The following CRBN variants were observed in gnomAD, a reference collection of about 807,000 sequenced individuals.
CRBN encodes cereblon.
CRBN carries 53 observed loss-of-function variants against 62.2 expected under a neutral mutation model. That is an observed-to-expected ratio of 0.85 (90% CI 0.68 to 1.07). The LOEUF is 1.07. Ranked by LOEUF, CRBN falls within the 50% of genes least tolerant of loss-of-function variation. The probability of loss-of-function intolerance (pLI) is 0.00; values close to 1 mark genes in which losing one functional copy is unlikely to be tolerated. For synonymous variants in CRBN, 208 were observed against 176.1 expected, an observed-to-expected ratio of 1.18 and a Z score of -1.43; for missense variants, 616 against 531.1, an observed-to-expected ratio of 1.16 and a Z score of -1.57.
chr3:3,166,597 T>G (rs1191744648), intron 5 of CRBN, among the ~76,000 whole-genome samples: 1 of 152,142 alleles, frequency 6.6e-6, no homozygotes, highest in African/African-American at 2.4e-5. Context: ...TATTAGAATC[T>G]TCCTTAGAAA....
At chr3:3,160,208 T>C (rs1707079694) in intron 5 of CRBN, among the ~76,000 whole-genome samples, 1 of 152,196 alleles carries the variant, frequency 6.6e-6, no homozygotes, top group African/African-American at 2.4e-5. Context: ...TGAAACTCCA[T>C]TTAAGTGAGT....
At chr3:3,158,334 C>T (rs796092797) in intron 5 of CRBN, among the ~76,000 whole-genome samples, 25 of 152,274 alleles carry the variant, frequency 1.6e-4, no homozygotes, top group African/African-American at 5.8e-4. Context: ...CTGTGCGTCC[C>T]GGTTCCTAAC....
chr3:3,164,992 C>A (rs1707273595), intron 5 of CRBN, among the ~76,000 whole-genome samples: 1 of 152,064 alleles, frequency 6.6e-6, no homozygotes, highest in Admixed American at 6.6e-5. Flanking sequence ...AAAATATCAA[C>A]CTTAACAGGA....
chr3:3,174,232 A>G lies in CRBN; in HGVS notation c.204T>C (p.His68=), dbSNP rs1353744454. The change falls in exon 3 of 11, where the codon CAT becomes CAC. Residue 68 remains histidine (H), a synonymous_variant. Coordinates refer to ENST00000231948, the MANE Select transcript of CRBN (RefSeq NM_016302.4). ...TYLGADMEEF[H]GRTLHDDDSC... The stretch of plus-strand genomic sequence containing the variant: ...TGTCGTCATCGTGCAAAGTCCTGCC[A>G]TGAAATTCTTCCATATCAGCACCTA... 9 of 1,614,184 alleles carry G rather than the reference A, an allele frequency of 5.6e-6. No homozygotes were observed. The highest frequency in any genetic ancestry group is 7.6e-6 in the Non-Finnish European group (9 of 1,179,996).
chr3:3,174,092 T>C lies in CRBN; in HGVS notation c.344A>G (p.Gln115Arg). ...AAGAACAGCAAAGGTTCTATCTTTC[T>C]GAATTAAATTCCGCACCATACTGAC... ...QEVSMVRNLI[Q>R]KDRTFAVLAY... The change falls in exon 3 of 11, where the codon CAG becomes CGG. Residue 115 changes from glutamine (Q) to arginine (R), a missense_variant. Gln to Arg is a conservative substitution (Grantham distance 43). Transcript: ENST00000231948. 1 of 1,614,228 alleles carries C rather than the reference T, an allele frequency of 6.2e-7. No homozygotes were observed. Among genetic ancestry groups the C allele is most frequent in the Non-Finnish European group, 8.5e-7 (1 of 1,180,046 alleles).
At position 3,174,194 on chromosome 3, in the gene CRBN, A is replaced by G. The variant is rs1707737789; in HGVS notation, c.242T>C (p.Ile81Thr). ...TLHDDDSCQV[I>T]PVLPQVMMIL... is the part of the protein sequence containing the mutation. Reference sequence around the variant, plus strand: ...CATCATCACTTGTGGAAGAACTGGAATCACCTGACAGCTGTCGTCATCGTG... The same window carrying G: ...CATCATCACTTGTGGAAGAACTGGAGTCACCTGACAGCTGTCGTCATCGTG... Residue 81 changes from isoleucine (I) to threonine (T), a missense_variant, in exon 3 of 11, where the codon ATT becomes ACT. Transcript: ENST00000231948. 1 of 1,614,208 alleles carries G rather than the reference A, an allele frequency of 6.2e-7. No individual in the cohort carries two copies. The highest frequency in any genetic ancestry group is 8.5e-7 in the Non-Finnish European group (1 of 1,180,020).
At position 3,150,792 on chromosome 3, in the gene CRBN, G is replaced by C. The variant is rs1706476518; in HGVS notation, c.*73C>G. ...GTTATGTTTACTTAGGTATGTATCA[G>C]AGGCAATAATTTCCAAAGCAGATCT... On this transcript the variant is annotated 3_prime_UTR_variant, in exon 11 of 11. Coordinates refer to ENST00000231948, the MANE Select transcript of CRBN (RefSeq NM_016302.4). 4.2e-6 allele frequency: 6 copies of C among 1,418,562 alleles called. No individual in the cohort carries two copies. Among genetic ancestry groups the C allele is most frequent in the Non-Finnish European group, 4.9e-6 (5 of 1,021,458 alleles). The allele number at this position is 1,418,562 out of a possible 1,614,324, so 87.9% of individuals were successfully genotyped here.
chr3:3,176,695 T>G (rs376948155), intron 1 of CRBN, among the ~76,000 whole-genome samples: 44 of 152,316 alleles, frequency 2.9e-4, no homozygotes, highest in Middle Eastern at 6.8e-3. Context: ...GAGATTGTGC[T>G]ATTGCACTCC....
At chr3:3,151,862 G>A (rs1383989790) in intron 10 of CRBN, among the ~76,000 whole-genome samples, 1 of 151,966 alleles carries the variant, frequency 6.6e-6, no homozygotes, top group African/African-American at 2.4e-5. Context: ...AGAAAAGCAG[G>A]ATTCAATGGG....
chr3:3,157,076 T>A (rs1403622012), intron 5 of CRBN, among the ~76,000 whole-genome samples: 1 of 152,170 alleles, frequency 6.6e-6, no homozygotes, highest in African/African-American at 2.4e-5. Flanking sequence ...TAAGTATAAT[T>A]TAAAGTTCGT....
chr3:3,165,271 A>G lies in CRBN; in HGVS notation c.687+2363T>C, dbSNP rs543073664. Among the ~76,000 whole-genome samples, 18 of 152,346 alleles carry G rather than the reference A, an allele frequency of 1.2e-4. No homozygotes were observed. The South Asian group carries it at 3.7e-3, about 32-fold the overall frequency. ...AATGACACAAAGAATTCAGAATATT[A>G]CATAAACTTAGTTGATAAAGCAGCA... On this transcript the variant is annotated intron_variant, in intron 5 of 10. Coordinates refer to ENST00000231948, the MANE Select transcript of CRBN (RefSeq NM_016302.4).
At chr3:3,162,643 T>G (rs1445684305) in intron 5 of CRBN, among the ~76,000 whole-genome samples, 1 of 152,192 alleles carries the variant, frequency 6.6e-6, no homozygotes, top group Non-Finnish European at 1.5e-5. Flanking sequence ...AAATGCTGTG[T>G]GCAGTTTCAA....
chr3:3,170,390 A>G (rs917260508), intron 4 of CRBN, among the ~76,000 whole-genome samples: 2 of 152,200 alleles, frequency 1.3e-5, no homozygotes, highest in African/African-American at 2.4e-5. Context: ...AAACAAATGA[A>G]TATTAAATAT....
intron 9 of CRBN, chr3:3,152,924 T>C (rs1436949830): frequency 1.2e-5 from 4 of 343,502 alleles, no homozygotes; most frequent in Non-Finnish European, 2.2e-5. Context: ...GACAAGGTCC[T>C]GTGTGGTCAT....
intron 4 of CRBN, among the ~76,000 whole-genome samples, chr3:3,169,200 G>T (rs1707495917): frequency 6.6e-6 from 1 of 152,180 alleles, no homozygotes; most frequent in South Asian, 2.1e-4. Flanking sequence ...TGCCTTGAAG[G>T]ATTAAGGAAT....
chr3:3,159,284 T>C (rs1393068217), intron 5 of CRBN, among the ~76,000 whole-genome samples: 3 of 152,172 alleles, frequency 2.0e-5, no homozygotes, highest in African/African-American at 7.2e-5. Context: ...CCTGTCGAGC[T>C]TATATTTTAG....
intron 5 of CRBN, among the ~76,000 whole-genome samples, chr3:3,164,706 T>C (rs1014356029): frequency 6.6e-6 from 1 of 152,238 alleles, no homozygotes; most frequent in Non-Finnish European, 1.5e-5. Flanking sequence ...TCATTGACAA[T>C]GTACATGGTC....
Position 3,164,425 on chromosome 3 carries a change from T to G in CRBN, c.687+3209A>C, listed in dbSNP as rs889592753. Reference sequence around the variant, plus strand: ...ACAGAAGATCAAACCAGCCACAAATTTCCGTTGAGCCAAAGCCTAATCCAG... The same window carrying G: ...ACAGAAGATCAAACCAGCCACAAATGTCCGTTGAGCCAAAGCCTAATCCAG... On this transcript the variant is annotated intron_variant, in intron 5 of 10. Coordinates refer to ENST00000231948, the MANE Select transcript of CRBN (RefSeq NM_016302.4). Among the ~76,000 whole-genome samples the G allele has an allele frequency of 2.6e-5, 4 of 152,150 alleles. No homozygotes were observed. The East Asian group carries it at 7.7e-4, about 29-fold the overall frequency.
In CRBN at chr3:3,150,842, A is replaced by G; in HGVS notation, c.*23T>C. ...TTAGAATATAACCAATTTGTTAGAT[A>G]ACTTTATCTCTATCACATCTGTTTA... On this transcript the variant is annotated 3_prime_UTR_variant, in exon 11 of 11. Coordinates refer to ENST00000231948, the MANE Select transcript of CRBN (RefSeq NM_016302.4). The G allele has an allele frequency of 6.2e-7, 1 of 1,606,318 alleles. No individual in the cohort carries two copies.
Sources: allele counts gnomAD v4.1 joint callset (sites outside exome capture counted in the v4.1 genomes callset), GRCh38; gene constraint gnomAD v4.1.1; transcripts MANE v1.5; gene names NCBI Gene and HGNC (gene_info 2026-07-23, HGNC 2026-07-21).